ADGRB3: variants seen among roughly 807,000 people sequenced by gnomAD.
ADGRB3 encodes adhesion G protein-coupled receptor B3, also known as brain-specific angiogenesis inhibitor 3.
Under a neutral mutation model 193.4 loss-of-function variants are expected in ADGRB3, and 37 were observed. The observed-to-expected ratio is 0.19, with a 90% CI of 0.15 to 0.25. The LOEUF (loss-of-function observed/expected upper bound fraction) is 0.25, where lower values mean the gene tolerates loss of function less well. ADGRB3 is among the 10% of genes least tolerant of loss of function. The pLI, the probability that ADGRB3 is intolerant of heterozygous loss-of-function variation, is 1.00. For synonymous variants in ADGRB3, 690 were observed against 644.2 expected, an observed-to-expected ratio of 1.07 and a Z score of -1.08; for missense variants, 1,637 against 1,852.9, an observed-to-expected ratio of 0.88 and a Z score of 2.14.
chr6:69,049,414 T>C, intron 15 of ADGRB3, 68 bp downstream of exon 15: 1 of 1,175,052 alleles, frequency 8.5e-7, no homozygotes, highest in Non-Finnish European at 1.2e-6. Flanking sequence ...TAGCTCATTC[T>C]ATAAAAATAG....
intron 3 of ADGRB3, among the ~76,000 whole-genome samples, chr6:68,790,675 C>G (rs923180739): frequency 6.6e-6 from 1 of 152,198 alleles, no homozygotes; most frequent in Non-Finnish European, 1.5e-5. Flanking sequence ...CCCAGGTAAA[C>G]AGGGTCTGGA....
At chr6:69,236,440 A>T (rs1766268720) in intron 19 of ADGRB3, among the ~76,000 whole-genome samples, 1 of 152,012 alleles carries the variant, frequency 6.6e-6, no homozygotes, top group Non-Finnish European at 1.5e-5. Context: ...TAGGCAGCAG[A>T]ATCTTGGGTT....
chr6:69,319,867 A>G (rs930851508), intron 20 of ADGRB3, among the ~76,000 whole-genome samples: 1 of 151,508 alleles, frequency 6.6e-6, no homozygotes, highest in Non-Finnish European at 1.5e-5. Context: ...TTCATCCAAT[A>G]TGAAAGTTTC....
intron 13 of ADGRB3, among the ~76,000 whole-genome samples, chr6:69,044,798 C>T (rs1771192127): frequency 6.6e-6 from 1 of 152,104 alleles, no homozygotes; most frequent in African/African-American, 2.4e-5. Context: ...ATTCTTGTAG[C>T]ACTCAAGATG....
chr6:69,224,916 T>C (rs1421432312), intron 17 of ADGRB3, among the ~76,000 whole-genome samples: 1 of 152,196 alleles, frequency 6.6e-6, no homozygotes, highest in African/African-American at 2.4e-5. Context: ...GCAATTTCAA[T>C]AGAAGATACT....
chr6:69,210,753 G>C (rs959204509), intron 17 of ADGRB3, among the ~76,000 whole-genome samples: 2 of 152,038 alleles, frequency 1.3e-5, no homozygotes, highest in Non-Finnish European at 2.9e-5. Context: ...TTCAACATGC[G>C]TTTTGGAGGG....
At chr6:68,735,062 C>A (rs1765846196) in intron 3 of ADGRB3, among the ~76,000 whole-genome samples, 1 of 151,966 alleles carries the variant, frequency 6.6e-6, no homozygotes, top group Admixed American at 6.6e-5. Context: ...GCTTATGTCA[C>A]TGACCATAAT....
chr6:69,134,891 A>G (rs1461907780), intron 17 of ADGRB3, among the ~76,000 whole-genome samples: 1 of 152,074 alleles, frequency 6.6e-6, no homozygotes, highest in African/African-American at 2.4e-5. Flanking sequence ...ATCTCCATAG[A>G]ATACAGTAAG....
intron 10 of ADGRB3, among the ~76,000 whole-genome samples, chr6:68,992,350 G>C (rs1361205867): frequency 6.6e-6 from 1 of 152,134 alleles, no homozygotes; most frequent in Admixed American, 6.6e-5. Context: ...AGTTCAGCCT[G>C]GTGGTACAGC....
At chr6:68,846,661 A>G (rs1473096722) in intron 3 of ADGRB3, among the ~76,000 whole-genome samples, 2 of 152,222 alleles carry the variant, frequency 1.3e-5, no homozygotes, top group Non-Finnish European at 2.9e-5. Flanking sequence ...ACAGAAGTCA[A>G]GAATTGAGGT....
At chr6:69,016,254 T>A (rs1770087268) in intron 12 of ADGRB3, among the ~76,000 whole-genome samples, 1 of 151,956 alleles carries the variant, frequency 6.6e-6, no homozygotes, top group Non-Finnish European at 1.5e-5. Flanking sequence ...TGGAGAAATA[T>A]AATTAAAAAC....
intron 3 of ADGRB3, among the ~76,000 whole-genome samples, chr6:68,920,465 C>G (rs1342837512): frequency 7.0e-6 from 1 of 142,512 alleles, no homozygotes; most frequent in Non-Finnish European, 1.5e-5. Context: ...TTGCAGTGAG[C>G]CGAGATCCGC....
intron 20 of ADGRB3, among the ~76,000 whole-genome samples, chr6:69,289,680 G>A (rs557789253): frequency 7.9e-5 from 12 of 152,102 alleles, no homozygotes; most frequent in African/African-American, 2.7e-4. Flanking sequence ...AAATGAATGC[G>A]TGCTTTTCTG....
At position 68,981,041 on chromosome 6, in the gene ADGRB3, T is replaced by G. The variant is rs147120977; in HGVS notation, c.1734+5701T>G. ...GCATCCATATACATGTATTTCTAAC[T>G]ACATGGTCCTCTCATGAAATCATGT... On this transcript the variant is annotated intron_variant, in intron 10 of 31. Transcript: ENST00000370598. 1.8e-4 allele frequency among the ~76,000 whole-genome samples: 28 copies of G among 151,728 alleles called. No homozygotes were observed. In the East Asian group the frequency reaches 3.7e-3, roughly 20 times the overall value.
chr6:69,187,073 CT>C (rs530804720), intron 17 of ADGRB3, among the ~76,000 whole-genome samples: 77 of 151,598 alleles, frequency 5.1e-4, no homozygotes, highest in African/African-American at 1.4e-3. Flanking sequence ...GATTTCCCCT[CT>C]TTTTTTCTGA....
intron 17 of ADGRB3, among the ~76,000 whole-genome samples, chr6:69,138,456 C>G (rs16900539): frequency 0.013 from 1,963 of 152,242 alleles, 85 homozygotes; most frequent in East Asian, 0.1. Flanking sequence ...AGCCAGTGTT[C>G]AAGTGTTCAC....
chr6:69,062,829 G>C (rs1582432362), intron 15 of ADGRB3, 105 bp from the exon 16 acceptor site: 2 of 724,538 alleles, frequency 2.8e-6, no homozygotes, highest in Admixed American at 5.3e-5. Flanking sequence ...TTATGTTTTT[G>C]CTTTGGATGC....
chr6:69,091,150 C>G (rs4706854), intron 17 of ADGRB3, among the ~76,000 whole-genome samples: 1 of 151,836 alleles, frequency 6.6e-6, no homozygotes, highest in East Asian at 1.9e-4. Flanking sequence ...CAGATCCTAG[C>G]GAGGTTGTGG....
At chr6:68,985,827 G>T (rs557399814) in intron 10 of ADGRB3, among the ~76,000 whole-genome samples, 18 of 152,256 alleles carry the variant, frequency 1.2e-4, no homozygotes, top group African/African-American at 3.8e-4. Context: ...AATGGAAATA[G>T]AATTGAGAAA....
Sources: gnomAD v4.1 joint callset for allele counts (sites outside exome capture counted in the v4.1 genomes callset) on GRCh38, gnomAD v4.1.1 for gene constraint, MANE v1.5 for transcripts, NCBI Gene and HGNC (gene_info 2026-07-23, HGNC 2026-07-21) for gene names.